Variants in PRKN observed in about 807,000 individuals in gnomAD.
PRKN encodes the protein E3 ubiquitin-protein ligase parkin.
In PRKN, 56 loss-of-function variants were observed where a neutral mutation model predicts 59.5. That is an observed-to-expected ratio of 0.94 (90% CI 0.76 to 1.18). The LOEUF is 1.18. PRKN is among the 50% of genes most tolerant of loss of function. PRKN has a pLI of 0.00. For missense variants in PRKN, 657 were observed against 596.4 expected, an observed-to-expected ratio of 1.10 and a Z score of -1.06; for synonymous variants, 250 against 222.1, an observed-to-expected ratio of 1.13 and a Z score of -1.12.
intron 4 of PRKN, among the ~76,000 whole-genome samples, chr6:162,097,302 T>C (rs1562511113): frequency 6.6e-6 from 1 of 152,346 alleles, no homozygotes. Flanking sequence ...GAGAATATTA[T>C]GCTGGAACAC....
Position 162,652,851 on chromosome 6 carries a change from T to A in PRKN, c.7+74811A>T, listed in dbSNP as rs75873995. On this transcript the variant is annotated intron_variant, in intron 1 of 11. Coordinates refer to ENST00000366898, the MANE Select transcript of PRKN (RefSeq NM_004562.3). ...TGAGAACTAACCCCCCGATAAGATT[T>A]ATTAAAAATTCCTTCTAAATGACTA... 4.3e-4 allele frequency among the ~76,000 whole-genome samples: 66 copies of A among 152,270 alleles called. No homozygotes were observed. In the East Asian group the frequency reaches 9.1e-3, roughly 21 times the overall value.
At chr6:161,833,307 G>A (rs759972388) in intron 6 of PRKN, among the ~76,000 whole-genome samples, 24 of 152,288 alleles carry the variant, frequency 1.6e-4, no homozygotes, top group Middle Eastern at 3.4e-3. Flanking sequence ...GTGCTTGCCC[G>A]GAGGCCTGAG....
rs147474372 is a variant in PRKN, at chr6:161,952,550, C to T, written c.734+20752G>A. On this transcript the variant is annotated intron_variant, in intron 6 of 11. Coordinates refer to ENST00000366898, the MANE Select transcript of PRKN (RefSeq NM_004562.3). ...AGGAGGATCACCTGCACCCAGGAGGCAGAGGCTGCAGTGAGCTGAGATTGC... is the reference window on the plus strand; with the variant it reads ...AGGAGGATCACCTGCACCCAGGAGGTAGAGGCTGCAGTGAGCTGAGATTGC... 8.6e-4 allele frequency among the ~76,000 whole-genome samples: 131 copies of T among 152,258 alleles called. 2 individuals are homozygous for T. The East Asian group carries it at 0.024, about 28-fold the overall frequency.
intron 1 of PRKN, among the ~76,000 whole-genome samples, chr6:162,686,008 G>A (rs1023279597): frequency 2.6e-5 from 4 of 152,086 alleles, no homozygotes; most frequent in African/African-American, 9.7e-5. Context: ...AAGGGAGAGC[G>A]CACAAATTAT....
At chr6:162,002,842 G>A (rs961347348) in intron 5 of PRKN, among the ~76,000 whole-genome samples, 2 of 151,850 alleles carry the variant, frequency 1.3e-5, no homozygotes, top group East Asian at 3.9e-4. Context: ...ATTTTCATCT[G>A]ATTTCAAATA....
chr6:161,768,103 C>T (rs2128201168), intron 7 of PRKN, among the ~76,000 whole-genome samples: 1 of 150,936 alleles, frequency 6.6e-6, no homozygotes, highest in Non-Finnish European at 1.5e-5. Context: ...CAGCGTAAGA[C>T]ATGAGTTATG....
chr6:162,061,362 C>G (rs1458419506), intron 4 of PRKN, among the ~76,000 whole-genome samples: 1 of 152,132 alleles, frequency 6.6e-6, no homozygotes, highest in African/African-American at 2.4e-5. Context: ...TCTTATTTCT[C>G]AAAATAGAAC....
At chr6:162,537,849 G>T (rs1232423610) in intron 1 of PRKN, among the ~76,000 whole-genome samples, 1 of 152,118 alleles carries the variant, frequency 6.6e-6, no homozygotes, top group Non-Finnish European at 1.5e-5. Flanking sequence ...ATATTTATAG[G>T]AAGACTTGTG....
At chr6:161,420,375 T>G (rs71567608) in intron 9 of PRKN, among the ~76,000 whole-genome samples, 13 of 152,302 alleles carry the variant, frequency 8.5e-5, no homozygotes, top group African/African-American at 3.1e-4. Flanking sequence ...TAAGCAGTTT[T>G]CAAAGGTGCA....
rs1015814274 is a variant in PRKN at position 161,497,778 on chromosome 6, T to G, written c.1083+51076A>C. ...ATTCTGCCTGGTTCTGTTGCCAAGG[T>G]GGGTGGGAAGTCGGCAGCAGGGATC... On this transcript the variant is annotated intron_variant, in intron 9 of 11. Coordinates refer to ENST00000366898, the MANE Select transcript of PRKN (RefSeq NM_004562.3). This position sits in a 1 kb window ranked among gnomAD's most constrained non-coding sequence, Gnocchi z 4.6. Among the ~76,000 whole-genome samples, 4 of 152,088 alleles carry G rather than the reference T, an allele frequency of 2.6e-5. No homozygotes were observed. The highest frequency in any genetic ancestry group is 2.6e-4 in the Admixed American group (4 of 15,262).
rs9365451 is a variant in PRKN, at chr6:162,498,445, T to C, written c.8-54972A>G. Among the ~76,000 whole-genome samples, 127 of 108,470 alleles carry C rather than the reference T, an allele frequency of 1.2e-3. 2 individuals carry two copies. Among genetic ancestry groups the C allele is most frequent in the African/African-American group, 4.3e-3 (116 of 26,768 alleles). 71.2% of individuals were successfully genotyped at this position (108,470 alleles called of 152,430 possible). Reference sequence around the variant, plus strand: ...TGGAGTTTCTTTCCTTTTTCTTTTTTTTTTTTTTTTTTTTTTTGAGATGGA... The same window carrying C: ...TGGAGTTTCTTTCCTTTTTCTTTTTCTTTTTTTTTTTTTTTTTGAGATGGA... On this transcript the variant is annotated intron_variant, in intron 1 of 11. Transcript: ENST00000366898.
At chr6:162,618,540 T>C (rs1282173789) in intron 1 of PRKN, among the ~76,000 whole-genome samples, 1 of 152,136 alleles carries the variant, frequency 6.6e-6, no homozygotes, top group East Asian at 1.9e-4. Context: ...TTCAGGAAAG[T>C]AAAGGTTTTC....
At chr6:161,921,620 A>G (rs1386760096) in intron 6 of PRKN, among the ~76,000 whole-genome samples, 1 of 152,184 alleles carries the variant, frequency 6.6e-6, no homozygotes, top group Non-Finnish European at 1.5e-5. Context: ...CAGCTCCACT[A>G]TAATTGTATG....
intron 4 of PRKN, among the ~76,000 whole-genome samples, chr6:162,173,227 C>T (rs1270818557): frequency 1.3e-5 from 2 of 152,174 alleles, no homozygotes; most frequent in Non-Finnish European, 2.9e-5. Flanking sequence ...CTCTAGTGGC[C>T]TGTACACTGG....
chr6:162,311,063 T>C (rs1583356203), intron 2 of PRKN, among the ~76,000 whole-genome samples: 1 of 152,274 alleles, frequency 6.6e-6, no homozygotes, highest in East Asian at 1.9e-4. Context: ...TCATAAAGGC[T>C]ATCTTTTTCC....
At chr6:162,047,106 C>A (rs1168474964) in intron 5 of PRKN, among the ~76,000 whole-genome samples, 1 of 152,130 alleles carries the variant, frequency 6.6e-6, no homozygotes, top group African/African-American at 2.4e-5. Flanking sequence ...CTGAGTTTGA[C>A]TTCAAAGTTT....
rs182513003 is a variant in PRKN, at chr6:162,182,142, A to C, written c.534+18989T>G. On this transcript the variant is annotated intron_variant, in intron 4 of 11. Transcript: ENST00000366898. The stretch of plus-strand genomic sequence containing the variant: ...CATCCACCAGTTTCTACCCTGGACA[A>C]AGACAGGGGTTGGAGCTGTTATTTG... 5.9e-5 allele frequency among the ~76,000 whole-genome samples: 9 copies of C among 152,252 alleles called. No homozygotes were observed. In the East Asian group the frequency reaches 1.7e-3, roughly 30 times the overall value.
At chr6:162,660,808 T>C (rs906771172) in intron 1 of PRKN, among the ~76,000 whole-genome samples, 4 of 152,204 alleles carry the variant, frequency 2.6e-5, no homozygotes, top group Non-Finnish European at 4.4e-5. Context: ...ACTTGCCAAT[T>C]ATTTAGAAAT....
At chr6:161,436,461 G>T (rs77679284) in intron 9 of PRKN, among the ~76,000 whole-genome samples, 27 of 39,392 alleles carry the variant, frequency 6.9e-4, no homozygotes, top group Non-Finnish European at 1.0e-3. Flanking sequence ...AGACTTTTTT[G>T]GGGGGGGGTG....
Sources: gnomAD v4.1 joint callset for allele counts (sites outside exome capture counted in the v4.1 genomes callset) on GRCh38, gnomAD v4.1.1 for gene constraint, Gnocchi (gnomAD v3.1) non-coding constraint, MANE v1.5 for transcripts, NCBI Gene and HGNC (gene_info 2026-07-23, HGNC 2026-07-21) for gene names.